CD80: variants seen among roughly 807,000 people sequenced by gnomAD.
CD80 encodes the protein T-lymphocyte activation antigen CD80.
CD80 carries 13 observed loss-of-function variants against 27.1 expected under a neutral mutation model. The observed-to-expected ratio is 0.48, with a 90% CI of 0.31 to 0.76. CD80 has a LOEUF of 0.76. CD80 is among the 30% of genes least tolerant of loss of function. The pLI is 0.04. For missense variants in CD80, 277 were observed against 347.9 expected (o/e 0.80, Z 1.62); for synonymous variants, 125 against 125.5 (o/e 1.00, Z 0.03).
At chr3:119,549,713 G>C (rs2082221247) in intron 2 of CD80, among the ~76,000 whole-genome samples, 1 of 152,196 alleles carries the variant, frequency 6.6e-6, no homozygotes, top group Non-Finnish European at 1.5e-5. Flanking sequence ...GCAAAGTGAG[G>C]TAATGCAGAA....
rs1226991274 is a variant in CD80 at position 119,525,196 on chromosome 3, G to A, written c.*592C>T. 1 of 152,066 alleles carries A rather than the reference G, an allele frequency of 6.6e-6. No homozygotes were observed. Among genetic ancestry groups the A allele is most frequent in the African/African-American group, 2.4e-5 (1 of 41,394 alleles). 9.4% of individuals were successfully genotyped at this position (152,066 alleles called of 1,614,324 possible). ...ACACAATGAAAAAAATGGAATACTG[G>A]GTAAACACCAATAATATTTCCATTA... On this transcript the variant is annotated 3_prime_UTR_variant, in exon 7 of 7. Coordinates refer to ENST00000264246, the MANE Select transcript of CD80 (RefSeq NM_005191.4).
chr3:119,549,453 C>G (rs970618751), intron 2 of CD80, among the ~76,000 whole-genome samples: 1 of 152,206 alleles, frequency 6.6e-6, no homozygotes, highest in African/African-American at 2.4e-5. Flanking sequence ...CTCTAAGGCC[C>G]CAGCGCCCCC....
chr3:119,529,967 T>G, intron 4 of CD80, 30 bp from the exon 5 acceptor site: 42 of 1,436,816 alleles, frequency 2.9e-5, no homozygotes, highest in Non-Finnish European at 3.8e-5. Flanking sequence ...ATGTCAGCTG[T>G]AATGTATTTC....
chr3:119,527,194 A>G (rs2082071843), intron 6 of CD80, among the ~76,000 whole-genome samples: 3 of 152,328 alleles, frequency 2.0e-5, no homozygotes, highest in Middle Eastern at 6.8e-3. Flanking sequence ...TGGAATGTGG[A>G]AAGTTAAAAA....
In CD80 at chr3:119,537,253, G is replaced by A. The variant is rs2082144397; in HGVS notation, c.584C>T (p.Thr195Ile). ...TTTGCTGCTAACAGCATAGAGCTCA[G>A]TTTCAGGATCTTGGGAAACTGTTGT... ...INTTVSQDPE[T>I]ELYAVSSKLD... Residue 195 changes from threonine (T) to isoleucine (I), a missense_variant, in exon 4 of 7, where the codon ACT (threonine) becomes ATT (isoleucine). By Grantham distance (89) the Thr-to-Ile change is moderately conservative. Transcript: ENST00000264246. 2 of 1,614,092 alleles carry A rather than the reference G, an allele frequency of 1.2e-6. No homozygotes were observed. The highest frequency in any genetic ancestry group is 2.2e-5 in the East Asian group (1 of 44,870).
At chr3:119,530,220 C>A (rs2082102445) in intron 4 of CD80, among the ~76,000 whole-genome samples, 2 of 152,170 alleles carry the variant, frequency 1.3e-5, no homozygotes, top group African/African-American at 4.8e-5. Context: ...TTTTACAAGC[C>A]ATCTTGCAGT....
intron 4 of CD80, among the ~76,000 whole-genome samples, chr3:119,534,007 A>T (rs1289588826): frequency 6.6e-6 from 1 of 152,186 alleles, no homozygotes; most frequent in East Asian, 1.9e-4. Flanking sequence ...CTCCAGCCAC[A>T]AAGACAAAAA....
chr3:119,551,997 C>T (rs1388304608), intron 2 of CD80, among the ~76,000 whole-genome samples: 1 of 152,238 alleles, frequency 6.6e-6, no homozygotes, highest in Non-Finnish European at 1.5e-5. Context: ...GGCAACGCTG[C>T]TCGCCTTCTG....
chr3:119,529,727 G>C (rs2082099100), intron 5 of CD80, 115 bp downstream of exon 5: 2 of 694,506 alleles, frequency 2.9e-6, no homozygotes, highest in Non-Finnish European at 5.1e-6. Context: ...GTTTCCATAG[G>C]CTTGCTGTAA....
chr3:119,550,128 A>T (rs2082223583), intron 2 of CD80, among the ~76,000 whole-genome samples: 1 of 152,114 alleles, frequency 6.6e-6, no homozygotes, highest in Non-Finnish European at 1.5e-5. Context: ...CCCTCCTCCC[A>T]CTGCCAACTC....
At chr3:119,536,499 C>G (rs1284964687) in intron 4 of CD80, among the ~76,000 whole-genome samples, 2 of 151,972 alleles carry the variant, frequency 1.3e-5, no homozygotes, top group Non-Finnish European at 2.9e-5. Flanking sequence ...TGTCACCAAG[C>G]CTGGCTAATT....
At chr3:119,529,797 G>A in intron 5 of CD80, 45 bp downstream of exon 5, 1 of 1,312,100 alleles carries the variant, frequency 7.6e-7, no homozygotes, top group Non-Finnish European at 1.1e-6. Flanking sequence ...AATAAAGTTT[G>A]ATCTTCCAGA....
At chr3:119,547,035 G>A (rs970560806) in intron 2 of CD80, among the ~76,000 whole-genome samples, 17 of 152,166 alleles carry the variant, frequency 1.1e-4, no homozygotes, top group African/African-American at 4.1e-4. Flanking sequence ...TTTCACTTGA[G>A]TGACTTAGGA....
intron 2 of CD80, among the ~76,000 whole-genome samples, chr3:119,546,208 AAC>A (rs2082201875): frequency 6.6e-6 from 1 of 152,206 alleles, no homozygotes; most frequent in African/African-American, 2.4e-5. Flanking sequence ...TGGTTTACCT[AAC>A]ACAATACCAC....
intron 2 of CD80, among the ~76,000 whole-genome samples, chr3:119,555,276 G>A (rs1364078577): frequency 6.6e-6 from 1 of 152,140 alleles, no homozygotes; most frequent in Non-Finnish European, 1.5e-5. Context: ...CCCAAATCTA[G>A]AGTTCACGAT....
intron 3 of CD80, among the ~76,000 whole-genome samples, chr3:119,539,085 C>A (rs1242884542): frequency 1.3e-5 from 2 of 152,114 alleles, no homozygotes; most frequent in Non-Finnish European, 2.9e-5. Flanking sequence ...AACTCTGAAC[C>A]ACATCAGTAA....
At chr3:119,531,949 C>T (rs1193341167) in intron 4 of CD80, among the ~76,000 whole-genome samples, 1 of 152,176 alleles carries the variant, frequency 6.6e-6, no homozygotes, top group Non-Finnish European at 1.5e-5. Flanking sequence ...CAGGCATGAG[C>T]CACTGCGCCT....
chr3:119,528,929 A>AAC (rs1192030384), intron 5 of CD80, among the ~76,000 whole-genome samples: 1 of 149,890 alleles, frequency 6.7e-6, no homozygotes, highest in Non-Finnish European at 1.5e-5. Context: ...ATCTCAAAAA[A>AAC]AAAAAAGAAC....
chr3:119,557,194 G>T (rs1308431478), intron 2 of CD80, among the ~76,000 whole-genome samples: 1 of 152,152 alleles, frequency 6.6e-6, no homozygotes, highest in Non-Finnish European at 1.5e-5. Context: ...CCCGCCTTCA[G>T]ATTGGAAAGA....
Sources: allele counts gnomAD v4.1 joint callset (sites outside exome capture counted in the v4.1 genomes callset), GRCh38; gene constraint gnomAD v4.1.1; transcripts MANE v1.5; gene names NCBI Gene and HGNC (gene_info 2026-07-23, HGNC 2026-07-21).